Variants in NALF1 observed in about 807,000 individuals in gnomAD.
The protein encoded by NALF1 is family with sequence similarity 155 member A.
NALF1 carries 3 observed loss-of-function variants against 48.4 expected under a neutral mutation model. The ratio of observed to expected loss-of-function variants is 0.06; its 90% CI spans 0.03 to 0.16. The LOEUF is 0.16. Among genes scored for constraint, NALF1 ranks in the 10% least tolerant of loss-of-function variants. The pLI, the probability that NALF1 is intolerant of heterozygous loss-of-function variation, is 1.00. For synonymous variants in NALF1, 262 were observed against 245.7 expected (o/e 1.07, Z -0.62); for missense variants, 526 against 571.5 (o/e 0.92, Z 0.81).
At chr13:107,487,693 G>A (rs1390432376) in intron 1 of NALF1, among the ~76,000 whole-genome samples, 1 of 152,112 alleles carries the variant, frequency 6.6e-6, no homozygotes, top group East Asian at 1.9e-4. Context: ...GTGTTTTTTT[G>A]AGGATTTTTG....
chr13:107,414,887 A>G (rs1043300229), intron 1 of NALF1, among the ~76,000 whole-genome samples: 3 of 152,052 alleles, frequency 2.0e-5, no homozygotes, highest in Non-Finnish European at 4.4e-5. Context: ...GCTATAATAA[A>G]TATCTTAAAA....
rs1879975566 is a variant in NALF1 at position 107,838,914 on chromosome 13, G to C, written c.915+26768C>G. Among the ~76,000 whole-genome samples, 3 of 152,046 alleles carry C rather than the reference G, an allele frequency of 2.0e-5. No individual in the cohort carries two copies. The South Asian group carries it at 6.2e-4, about 32-fold the overall frequency. On this transcript the variant is annotated intron_variant, in intron 1 of 2. Coordinates refer to ENST00000375915, the MANE Select transcript of NALF1 (RefSeq NM_001080396.3). ...ACTTGTGAGTAATTATTGTGTTCTAGCAAGTGGAGGATTAACAGTTCTTCT... is the reference window on the plus strand; with the variant it reads ...ACTTGTGAGTAATTATTGTGTTCTACCAAGTGGAGGATTAACAGTTCTTCT...
chr13:107,283,183 A>C (rs557262214), intron 1 of NALF1, among the ~76,000 whole-genome samples: 1 of 152,282 alleles, frequency 6.6e-6, no homozygotes, highest in East Asian at 1.9e-4. Context: ...GGCTGTATTA[A>C]CTAACTCATA....
At chr13:107,681,958 T>C (rs891347827) in intron 1 of NALF1, among the ~76,000 whole-genome samples, 15 of 152,196 alleles carry the variant, frequency 9.9e-5, no homozygotes, top group African/African-American at 3.4e-4. Flanking sequence ...CCCAGGAGCA[T>C]GTGCACGTTG....
intron 1 of NALF1, among the ~76,000 whole-genome samples, chr13:107,698,134 T>C (rs1357306326): frequency 3.9e-5 from 6 of 152,208 alleles, no homozygotes; most frequent in Non-Finnish European, 8.8e-5. Flanking sequence ...AGCAATTACT[T>C]GCTACTCCTT....
chr13:107,858,858 C>T (rs1046183138), intron 1 of NALF1, among the ~76,000 whole-genome samples: 8 of 152,140 alleles, frequency 5.3e-5, no homozygotes, highest in Non-Finnish European at 1.2e-4. Flanking sequence ...AAGCTTGTTA[C>T]CTGCTATTAA....
At chr13:107,710,423 T>C (rs1875533453) in intron 1 of NALF1, among the ~76,000 whole-genome samples, 1 of 152,052 alleles carries the variant, frequency 6.6e-6, no homozygotes, top group South Asian at 2.1e-4. Context: ...CGTTAGTTCG[T>C]TTTCACACTG....
intron 1 of NALF1, among the ~76,000 whole-genome samples, chr13:107,338,629 G>C (rs1341811347): frequency 6.6e-6 from 1 of 152,132 alleles, no homozygotes; most frequent in African/African-American, 2.4e-5. Flanking sequence ...TGGGTCTGTT[G>C]TGAAGATTAG....
intron 1 of NALF1, among the ~76,000 whole-genome samples, chr13:107,423,245 A>G (rs1003394123): frequency 3.9e-5 from 6 of 152,206 alleles, no homozygotes; most frequent in Middle Eastern, 3.2e-3. Context: ...AGGAAACTCA[A>G]TTGAAAATTA....
rs894343162 is a variant in NALF1 at position 107,167,994 on chromosome 13, AATTT to A, written c.*2499_*2502del. The A allele has an allele frequency of 7.9e-5, 12 of 152,204 alleles. No individual in the cohort carries two copies. The highest frequency in any genetic ancestry group is 5.9e-4 in the Admixed American group (9 of 15,282). 9.4% of individuals were successfully genotyped at this position (152,204 alleles called of 1,614,324 possible). A position where few individuals can be genotyped will look rare whatever the true frequency, so the allele number is the denominator to read the frequency against. On this transcript the variant is annotated 3_prime_UTR_variant, in exon 3 of 3. Coordinates refer to ENST00000375915, the MANE Select transcript of NALF1 (RefSeq NM_001080396.3). ...ATTTTGCTAAGTGTTTAGAAAGAAT[AATTT>A]ATTGTCATACCAATAAAAGTGAGTG... is the stretch of plus-strand genomic sequence containing the variant.
chr13:107,569,636 T>C (rs1877927218), intron 1 of NALF1, among the ~76,000 whole-genome samples: 2 of 152,222 alleles, frequency 1.3e-5, no homozygotes, highest in African/African-American at 2.4e-5. Context: ...TATTGATTAC[T>C]GCATCTATCG....
chr13:107,250,165 C>T (rs1371693712), intron 1 of NALF1, among the ~76,000 whole-genome samples: 3 of 151,138 alleles, frequency 2.0e-5, no homozygotes, highest in East Asian at 3.9e-4. Context: ...GACATAAATT[C>T]TTCACCACTA....
At chr13:107,768,796 A>C (rs1877490743) in intron 1 of NALF1, among the ~76,000 whole-genome samples, 1 of 152,212 alleles carries the variant, frequency 6.6e-6, no homozygotes, top group African/African-American at 2.4e-5. Context: ...CTCATCTGAC[A>C]AACGGCTAAT....
intron 1 of NALF1, among the ~76,000 whole-genome samples, chr13:107,812,220 T>C (rs779334186): frequency 1.3e-5 from 2 of 152,168 alleles, no homozygotes; most frequent in Non-Finnish European, 2.9e-5. Context: ...TGCTGACATA[T>C]CCAAATATTA....
intron 1 of NALF1, among the ~76,000 whole-genome samples, chr13:107,623,711 A>T (rs1474198586): frequency 1.3e-5 from 2 of 152,096 alleles, no homozygotes; most frequent in Non-Finnish European, 2.9e-5. Context: ...CTCCCTCAAC[A>T]TCTCTCAAGA....
At chr13:107,705,903 A>G (rs1164814309) in intron 1 of NALF1, among the ~76,000 whole-genome samples, 1 of 152,124 alleles carries the variant, frequency 6.6e-6, no homozygotes, top group Non-Finnish European at 1.5e-5. Context: ...AGAGGAGTTA[A>G]CTAGTATTTT....
intron 1 of NALF1, among the ~76,000 whole-genome samples, chr13:107,245,240 T>C (rs894217613): frequency 2.0e-5 from 3 of 152,344 alleles, no homozygotes; most frequent in Admixed American, 6.5e-5. Flanking sequence ...GCTACTTCTA[T>C]ATAATGAAAA....
At chr13:107,505,904 GA>G (rs1875683060) in intron 1 of NALF1, among the ~76,000 whole-genome samples, 1 of 152,020 alleles carries the variant, frequency 6.6e-6, no homozygotes. Flanking sequence ...GGTGGAGAGA[GA>G]ACATCATCGG....
intron 1 of NALF1, among the ~76,000 whole-genome samples, chr13:107,461,779 T>C (rs1884922683): frequency 6.6e-6 from 1 of 152,230 alleles, no homozygotes; most frequent in Admixed American, 6.5e-5. Flanking sequence ...ATATTAATAA[T>C]ACAAAGTCAT....
Sources: allele counts gnomAD v4.1 joint callset (sites outside exome capture counted in the v4.1 genomes callset), GRCh38; gene constraint gnomAD v4.1.1; transcripts MANE v1.5; gene names NCBI Gene and HGNC (gene_info 2026-07-23, HGNC 2026-07-21).